The following WDFY4 variants were observed in gnomAD, a reference collection of about 807,000 sequenced individuals.
The protein encoded by WDFY4 is WDFY family member 4.
A neutral mutation model predicts 351.9 loss-of-function variants in WDFY4; 169 were observed. The ratio of observed to expected loss-of-function variants is 0.48; its 90% CI spans 0.42 to 0.55. The LOEUF (loss-of-function observed/expected upper bound fraction) is 0.55, where lower values mean the gene tolerates loss of function less well. WDFY4 is among the 20% of genes least tolerant of loss of function. The pLI, the probability that WDFY4 is intolerant of heterozygous loss-of-function variation, is 0.00. For synonymous variants in WDFY4, 1,622 were observed against 1,574.6 expected, an observed-to-expected ratio of 1.03 and a Z score of -0.71; for missense variants, 3,803 against 3,935.6, an observed-to-expected ratio of 0.97 and a Z score of 0.90.
chr10:48,780,170 AC>A (rs2066172667), intron 19 of WDFY4, 51 bp downstream of exon 19: 16 of 1,543,830 alleles, frequency 1.0e-5, no homozygotes, highest in Non-Finnish European at 1.3e-5. Flanking sequence ...ACCTCCTGCT[AC>A]TACCCTGAAG....
chr10:48,866,596 CT>C (rs1380493593), intron 39 of WDFY4, among the ~76,000 whole-genome samples: 1 of 152,196 alleles, frequency 6.6e-6, no homozygotes, highest in African/African-American at 2.4e-5. Flanking sequence ...GTGAATTCCT[CT>C]TCAGAATCTT....
intron 12 of WDFY4, among the ~76,000 whole-genome samples, chr10:48,752,983 A>G (rs547062219): frequency 6.6e-6 from 1 of 152,330 alleles, no homozygotes; most frequent in East Asian, 1.9e-4. Flanking sequence ...TTACACACCC[A>G]ACAGCAATAT....
chr10:48,973,632 G>A, intron 57 of WDFY4, among the ~76,000 whole-genome samples: 1 of 152,232 alleles, frequency 6.6e-6, no homozygotes, highest in East Asian at 1.9e-4. Flanking sequence ...AAGCACATGT[G>A]AGCAGAGGAC....
chr10:48,693,347 T>C (rs1362124715), intron 1 of WDFY4, among the ~76,000 whole-genome samples: 2 of 152,140 alleles, frequency 1.3e-5, no homozygotes, highest in African/African-American at 4.8e-5. Flanking sequence ...GAGGTGTTGG[T>C]GCCGGGCCCA....
chr10:48,696,821 A>C (rs983471920), intron 1 of WDFY4, among the ~76,000 whole-genome samples: 2 of 152,264 alleles, frequency 1.3e-5, no homozygotes, highest in African/African-American at 4.8e-5. Context: ...GGCATCTAGC[A>C]TGTACTGGAC....
intron 2 of WDFY4, among the ~76,000 whole-genome samples, chr10:48,716,061 T>C (rs1379259443): frequency 6.6e-6 from 1 of 152,200 alleles, no homozygotes; most frequent in East Asian, 1.9e-4. Context: ...ACATGGTTTA[T>C]TCCCATCTTC....
intron 39 of WDFY4, among the ~76,000 whole-genome samples, chr10:48,851,269 G>A (rs905477183): frequency 6.6e-6 from 1 of 152,218 alleles, no homozygotes; most frequent in Non-Finnish European, 1.5e-5. Flanking sequence ...TGTGCTGACT[G>A]CATAGCATTC....
intron 11 of WDFY4, among the ~76,000 whole-genome samples, chr10:48,739,164 C>T (rs1243333586): frequency 6.6e-6 from 1 of 152,148 alleles, no homozygotes; most frequent in Non-Finnish European, 1.5e-5. Context: ...TCCACCATGA[C>T]ACATGGAAAA....
chr10:48,936,664 C>T (rs536190023), intron 47 of WDFY4, among the ~76,000 whole-genome samples: 45 of 151,684 alleles, frequency 3.0e-4, no homozygotes, highest in African/African-American at 1.1e-3. Context: ...AGTGAAACCC[C>T]GTCTCTACTA....
At chr10:48,811,773 G>A (rs1273304405) in intron 30 of WDFY4, 65 bp downstream of exon 30, 3 of 1,497,822 alleles carry the variant, frequency 2.0e-6, no homozygotes, top group East Asian at 2.5e-5. Flanking sequence ...ACTAAGGCAG[G>A]TCGCCAAGAC....
chr10:48,700,477 C>T (rs2063447774), intron 1 of WDFY4, among the ~76,000 whole-genome samples: 1 of 152,258 alleles, frequency 6.6e-6, no homozygotes, highest in South Asian at 2.1e-4. Flanking sequence ...TTCCTCCCTT[C>T]CCGGAACTAA....
At chr10:48,754,781 T>C (rs2065284535) in intron 12 of WDFY4, among the ~76,000 whole-genome samples, 1 of 152,122 alleles carries the variant, frequency 6.6e-6, no homozygotes, top group African/African-American at 2.4e-5. Flanking sequence ...TTGATTTGAA[T>C]AAATTACGCC....
At chr10:48,802,169 A>G (rs2620903) in intron 24 of WDFY4, among the ~76,000 whole-genome samples, 69,862 of 151,656 alleles carry the variant, frequency 0.46, 18,763 homozygotes, top group East Asian at 0.84. Context: ...GAGCCCAAGA[A>G]TTAGAGACTA....
At chr10:48,862,058 T>A (rs185657190) in intron 39 of WDFY4, among the ~76,000 whole-genome samples, 86 of 152,326 alleles carry the variant, frequency 5.6e-4, no homozygotes, top group Middle Eastern at 3.4e-3. Flanking sequence ...CCTAATTTTT[T>A]AAAATTTGTT....
At chr10:48,963,774 A>T in intron 53 of WDFY4, 68 bp from the exon 54 acceptor site, 1 of 1,468,808 alleles carries the variant, frequency 6.8e-7, no homozygotes, top group Non-Finnish European at 9.3e-7. Flanking sequence ...GCCCCTTCCA[A>T]TCTGTGCAGC....
At chr10:48,806,358 G>A (rs1268570157) in intron 27 of WDFY4, among the ~76,000 whole-genome samples, 2 of 152,178 alleles carry the variant, frequency 1.3e-5, no homozygotes, top group Non-Finnish European at 2.9e-5. Context: ...ACCAGCATGT[G>A]GGATCCGGGA....
At chr10:48,881,492 G>A (rs954873365) in intron 43 of WDFY4, among the ~76,000 whole-genome samples, 1 of 152,174 alleles carries the variant, frequency 6.6e-6, no homozygotes, top group African/African-American at 2.4e-5. Flanking sequence ...TTCCTGCAGA[G>A]TGCCAACACT....
chr10:48,848,558 AT>A (rs202130007), intron 39 of WDFY4, among the ~76,000 whole-genome samples: 1,618 of 152,218 alleles, frequency 0.011, 27 homozygotes, highest in African/African-American at 0.037. Flanking sequence ...CCCCTGGGGT[AT>A]TTTACTCTGG....
At chr10:48,784,522 A>T (rs1376911265) in intron 19 of WDFY4, among the ~76,000 whole-genome samples, 3 of 31,200 alleles carry the variant, frequency 9.6e-5, no homozygotes, top group Admixed American at 3.7e-4. Context: ...TTCTAATTGC[A>T]TTGTTTGCTT....
Sources: allele counts gnomAD v4.1 joint callset (sites outside exome capture counted in the v4.1 genomes callset), GRCh38; gene constraint gnomAD v4.1.1; transcripts MANE v1.5; gene names NCBI Gene and HGNC (gene_info 2026-07-23, HGNC 2026-07-21).